The following VPS50 variants were observed in gnomAD, a reference collection of about 807,000 sequenced individuals.
The protein encoded by VPS50 is syndetin.
In VPS50, 70 loss-of-function variants were observed where a neutral mutation model predicts 139.7. That is an observed-to-expected ratio of 0.50 (90% CI 0.41 to 0.61). The LOEUF (loss-of-function observed/expected upper bound fraction) is 0.61. Ranked by LOEUF, VPS50 falls within the 20% of genes least tolerant of loss-of-function variation. The probability of loss-of-function intolerance (pLI) is 0.00; values close to 1 mark genes in which losing one functional copy is unlikely to be tolerated. For synonymous variants in VPS50, 365 were observed against 376.7 expected, an observed-to-expected ratio of 0.97 and a Z score of 0.36; for missense variants, 921 against 1,133.7, an observed-to-expected ratio of 0.81 and a Z score of 2.69.
intron 24 of VPS50, 53 bp from the exon 25 acceptor site, chr7:93,349,822 A>T (rs1798507018): frequency 7.2e-7 from 1 of 1,381,378 alleles, no homozygotes; most frequent in African/African-American, 1.4e-5. Flanking sequence ...ATTCTTTATC[A>T]ATATGATACT....
At chr7:93,265,730 A>AT (rs1157568235) in intron 9 of VPS50, among the ~76,000 whole-genome samples, 1 of 151,930 alleles carries the variant, frequency 6.6e-6, no homozygotes, top group Admixed American at 6.6e-5. Flanking sequence ...ACACCCGGCT[A>AT]TTTTTTAAAT....
At chr7:93,337,536 T>C (rs1197554960) in intron 22 of VPS50, among the ~76,000 whole-genome samples, 1 of 152,200 alleles carries the variant, frequency 6.6e-6, no homozygotes, top group Admixed American at 6.5e-5. Context: ...GTATATGATA[T>C]CTAATCCAAA....
chr7:93,242,261 G>A (rs935607908), intron 2 of VPS50, among the ~76,000 whole-genome samples: 3 of 151,652 alleles, frequency 2.0e-5, no homozygotes, highest in Non-Finnish European at 2.9e-5. Flanking sequence ...CTTCCCTGCT[G>A]TCAGACAGCG....
chr7:93,339,488 A>G (rs1393995341), intron 22 of VPS50, among the ~76,000 whole-genome samples: 1 of 152,222 alleles, frequency 6.6e-6, no homozygotes, highest in African/African-American at 2.4e-5. Flanking sequence ...ATTTGTTACT[A>G]TCAAGTTGCT....
chr7:93,342,077 C>G (rs1798228051), intron 23 of VPS50, among the ~76,000 whole-genome samples: 1 of 152,178 alleles, frequency 6.6e-6, no homozygotes, highest in South Asian at 2.1e-4. Flanking sequence ...GGGTTCATCT[C>G]ACTAGGGAGT....
At chr7:93,350,525 A>G (rs1406487216) in intron 25 of VPS50, among the ~76,000 whole-genome samples, 2 of 152,144 alleles carry the variant, frequency 1.3e-5, no homozygotes, top group Admixed American at 1.3e-4. Context: ...CATGAATAAG[A>G]TATCTGTAGA....
At chr7:93,314,363 C>T (rs1436728733) in intron 20 of VPS50, among the ~76,000 whole-genome samples, 1 of 152,000 alleles carries the variant, frequency 6.6e-6, no homozygotes, top group Non-Finnish European at 1.5e-5. Context: ...GCTTCCTTAC[C>T]CCAGGTGGTA....
At chr7:93,310,392 A>C (rs571653039) in intron 19 of VPS50, among the ~76,000 whole-genome samples, 6 of 152,110 alleles carry the variant, frequency 3.9e-5, no homozygotes, top group Admixed American at 2.0e-4. Flanking sequence ...AGATTATTAA[A>C]TCAACTCCTT....
chr7:93,298,036 A>G (rs1796861391), intron 16 of VPS50, among the ~76,000 whole-genome samples: 2 of 152,128 alleles, frequency 1.3e-5, no homozygotes, highest in Admixed American at 1.3e-4. Flanking sequence ...CTCCTTGTTC[A>G]TAGTCAACAC....
intron 23 of VPS50, among the ~76,000 whole-genome samples, chr7:93,342,687 C>T (rs565369558): frequency 1.2e-4 from 19 of 152,312 alleles, no homozygotes; most frequent in African/African-American, 3.8e-4. Context: ...GATCCCCGAG[C>T]AGCCGAACTG....
intron 20 of VPS50, among the ~76,000 whole-genome samples, chr7:93,316,155 A>C (rs1309874139): frequency 2.0e-5 from 3 of 152,210 alleles, no homozygotes; most frequent in Non-Finnish European, 1.5e-5. Flanking sequence ...CAGAAAGAAC[A>C]TGTGCAAGAC....
At chr7:93,259,725 T>A in intron 9 of VPS50, 93 bp downstream of exon 9, 1 of 664,414 alleles carries the variant, frequency 1.5e-6, no homozygotes, top group Non-Finnish European at 2.7e-6. Context: ...AAAATTAGTA[T>A]AAAGTGTTGT....
intron 20 of VPS50, among the ~76,000 whole-genome samples, chr7:93,313,898 A>AT (rs1246571197): frequency 5.9e-5 from 9 of 152,292 alleles, no homozygotes; most frequent in Non-Finnish European, 1.3e-4. Context: ...GAGTATGACA[A>AT]TTTAACTTTT....
intron 23 of VPS50, among the ~76,000 whole-genome samples, chr7:93,346,791 G>T (rs1286887402): frequency 7.4e-6 from 1 of 135,534 alleles, no homozygotes; most frequent in East Asian, 2.2e-4. Context: ...GCTGAAACTG[G>T]ATCCCTTCCT....
chr7:93,255,736 A>G (rs1786405741), intron 4 of VPS50, among the ~76,000 whole-genome samples: 1 of 152,194 alleles, frequency 6.6e-6, no homozygotes, highest in Admixed American at 6.5e-5. Context: ...CAGATTAAGA[A>G]AATGTGAAAG....
Position 93,256,760 on chromosome 7 carries a change from AG to A in VPS50, c.351+201del, listed in dbSNP as rs1381847448. Among the ~76,000 whole-genome samples, 24 of 152,182 alleles carry A rather than the reference AG, an allele frequency of 1.6e-4. No individual in the cohort carries two copies. The East Asian group carries it at 4.6e-3, about 29-fold the overall frequency. On this transcript the variant is annotated intron_variant, in intron 5 of 27. Transcript: ENST00000305866. ...GTAATTTACCAAACTGAAGAAGCGA[AG>A]GGTTTTTATATATGATTCTAAAGTG...
intron 6 of VPS50, 198 bp from the exon 7 acceptor site, chr7:93,257,961 T>C (rs1795540199): frequency 4.6e-6 from 2 of 432,676 alleles, no homozygotes; most frequent in Admixed American, 8.1e-5. Flanking sequence ...AGGTTGTGAA[T>C]TGGCACCAAT....
In VPS50 at chr7:93,358,665, C is replaced by T. The variant is rs370407683; in HGVS notation, c.*229C>T. The T allele has an allele frequency of 4.7e-5, 18 of 382,058 alleles. No homozygotes were observed. The highest frequency in any genetic ancestry group is 7.6e-5 in the Admixed American group (2 of 26,282). 23.7% of individuals were successfully genotyped at this position (382,058 alleles called of 1,614,324 possible). ...TTGTTGTAATCTGAAATGATGTTGC[C>T]GCCTTGTCATAACAATGGTTATGTG... On this transcript the variant is annotated 3_prime_UTR_variant, in exon 28 of 28. Coordinates refer to ENST00000305866, the MANE Select transcript of VPS50 (RefSeq NM_017667.4).
chr7:93,276,083 T>C, intron 11 of VPS50, 82 bp from the exon 12 acceptor site: 1 of 1,275,468 alleles, frequency 7.8e-7, no homozygotes, highest in Non-Finnish European at 1.1e-6. Context: ...TGAAAAGATG[T>C]TTCCCTGGGT....
Sources: gnomAD v4.1 joint callset for allele counts (sites outside exome capture counted in the v4.1 genomes callset) on GRCh38, gnomAD v4.1.1 for gene constraint, MANE v1.5 for transcripts, NCBI Gene and HGNC (gene_info 2026-07-23, HGNC 2026-07-21) for gene names.